The following PRKAR1A variants were observed in gnomAD, a reference collection of about 807,000 sequenced individuals.
The protein encoded by PRKAR1A is protein kinase cAMP-dependent type I regulatory subunit alpha.
Under a neutral mutation model 52.0 loss-of-function variants are expected in PRKAR1A, and 3 were observed. That is an observed-to-expected ratio of 0.06 (90% confidence interval 0.03 to 0.15). PRKAR1A has a LOEUF of 0.15. Among genes scored for constraint, PRKAR1A ranks in the 10% least tolerant of loss-of-function variants. The pLI is 1.00. For synonymous variants in PRKAR1A, 188 were observed against 168.4 expected (o/e 1.12, Z -0.90); for missense variants, 240 against 477.4 (o/e 0.50, Z 4.63).
At chr17:68,469,306 C>G in the PRKAR1A span, among the ~76,000 whole-genome samples, 2 of 152,118 alleles carry the variant, frequency 1.3e-5, no homozygotes, top group African/African-American at 4.8e-5. Flanking sequence ...TTCCCACAAC[C>G]ACATAGCTCA....
At chr17:68,535,930 ACTCT>A (rs979417839), downstream of PRKAR1A, 1 of 453,946 alleles carries the variant, frequency 2.2e-6, no homozygotes, top group Non-Finnish European at 4.4e-6. Context: ...GATTTTGCTT[ACTCT>A]CTCTGAGATT....
chr17:68,432,807 C>T, the PRKAR1A span, among the ~76,000 whole-genome samples: 1 of 152,166 alleles, frequency 6.6e-6, no homozygotes, highest in African/African-American at 2.4e-5. Context: ...AATCCTTGCC[C>T]CCCACCGTGG....
chr17:68,488,276 G>A, the PRKAR1A span, among the ~76,000 whole-genome samples: 10 of 152,260 alleles, frequency 6.6e-5, no homozygotes, highest in African/African-American at 1.9e-4. Flanking sequence ...GGAGAGAAGA[G>A]CTGAGGTCTG....
chr17:68,430,131 C>T, the PRKAR1A span: 2 of 1,613,962 alleles, frequency 1.2e-6, no homozygotes, highest in Non-Finnish European at 1.7e-6. Flanking sequence ...TCCCATGTAG[C>T]CACTCCAGGT....
In PRKAR1A at chr17:68,531,843, A is replaced by C. The variant is rs930642870; in HGVS notation, c.*1394A>C. The C allele has an allele frequency of 5.6e-5, 58 of 1,035,120 alleles. No individual in the cohort carries two copies. Among genetic ancestry groups the C allele is most frequent in the Non-Finnish European group, 6.6e-5 (56 of 851,458 alleles). The allele number at this position is 1,035,120 out of a possible 1,614,324, so 64.1% of individuals were successfully genotyped here. On this transcript the variant is annotated 3_prime_UTR_variant, in exon 11 of 11. Coordinates refer to ENST00000589228, the MANE Select transcript of PRKAR1A (RefSeq NM_002734.5). The stretch of plus-strand genomic sequence containing the variant: ...ATTATTTTTTTAAACAAAATTTCAC[A>C]GTTCTGTAATGTAGGCACTTTTATT...
the PRKAR1A span, among the ~76,000 whole-genome samples, chr17:68,480,416 A>G: frequency 1.3e-5 from 2 of 152,164 alleles, no homozygotes; most frequent in Non-Finnish European, 2.9e-5. Flanking sequence ...ATTTTTAAAC[A>G]TTAATTTATC....
chr17:68,463,657 G>T, the PRKAR1A span, among the ~76,000 whole-genome samples: 1 of 152,186 alleles, frequency 6.6e-6, no homozygotes, highest in Non-Finnish European at 1.5e-5. Context: ...GGCAGGGAAG[G>T]CCCCACTGAA....
chr17:68,420,113 C>A, the PRKAR1A span: 1 of 1,507,982 alleles, frequency 6.6e-7, no homozygotes, highest in Non-Finnish European at 9.0e-7. Flanking sequence ...AATGTAGAAT[C>A]ACTCGCAGCT....
the PRKAR1A span, among the ~76,000 whole-genome samples, chr17:68,472,687 T>G: frequency 3.3e-5 from 5 of 152,192 alleles, no homozygotes; most frequent in Admixed American, 6.5e-5. Context: ...AGCTCATGCC[T>G]GTAATCCCAG....
At chr17:68,454,776 T>C in the PRKAR1A span, among the ~76,000 whole-genome samples, 2 of 152,248 alleles carry the variant, frequency 1.3e-5, no homozygotes, top group African/African-American at 4.8e-5. Flanking sequence ...AGGAAAGAAA[T>C]ACTGTAACTA....
At chr17:68,450,964 G>A in the PRKAR1A span, 1 of 1,548,452 alleles carries the variant, frequency 6.5e-7, no homozygotes, top group Non-Finnish European at 8.7e-7. Context: ...CAGCCTCCAT[G>A]ACACTGGGCC....
chr17:68,499,258 T>C, the PRKAR1A span, among the ~76,000 whole-genome samples: 1 of 152,288 alleles, frequency 6.6e-6, no homozygotes, highest in Non-Finnish European at 1.5e-5. Flanking sequence ...CATCTTTGGG[T>C]GTTCTGCACA....
chr17:68,532,777 A>G lies in PRKAR1A; in HGVS notation c.*2328A>G, dbSNP rs762985778. 5 of 1,066,392 alleles carry G rather than the reference A, an allele frequency of 4.7e-6. No homozygotes were observed. The highest frequency in any genetic ancestry group is 3.3e-5 in the African/African-American group (2 of 61,128). The allele number at this position is 1,066,392 out of a possible 1,614,324, so 66.1% of individuals were successfully genotyped here. A position where few individuals can be genotyped will look rare whatever the true frequency, so the allele number is the denominator to read the frequency against. On this transcript the variant is annotated 3_prime_UTR_variant, in exon 11 of 11. Transcript: ENST00000589228. ...AATAATTTAAATTCTTAAATGAATC[A>G]GTTTTTCTTCCCTTTCTCCTTTCCG...
intron 2 of PRKAR1A, among the ~76,000 whole-genome samples, chr17:68,516,314 CAAG>C (rs1461129234): frequency 6.6e-6 from 1 of 152,076 alleles, no homozygotes; most frequent in African/African-American, 2.4e-5. Context: ...TCATCTCCCT[CAAG>C]AAACGATGAA....
chr17:68,548,337 C>T (rs1600551452), intron 11 of PRKAR1A, among the ~76,000 whole-genome samples: 1 of 152,274 alleles, frequency 6.6e-6, no homozygotes, highest in East Asian at 1.9e-4. Flanking sequence ...CGAGACCAGC[C>T]TGGCCAACAC....
the PRKAR1A span, among the ~76,000 whole-genome samples, chr17:68,467,261 G>A: frequency 6.6e-6 from 1 of 152,116 alleles, no homozygotes; most frequent in African/African-American, 2.4e-5. Flanking sequence ...ATTCTCTTGA[G>A]AACACTCTGA....
At chr17:68,486,499 TTCCTTCC>T in the PRKAR1A span, among the ~76,000 whole-genome samples, 414 of 43,944 alleles carry the variant, frequency 9.4e-3, 2 homozygotes, top group African/African-American at 0.018. Flanking sequence ...CCTTCCTTCC[TTCCTTCC>T]TTCTTTCTTT....
chr17:68,519,971 G>T (rs974719683), intron 2 of PRKAR1A, among the ~76,000 whole-genome samples: 1 of 152,222 alleles, frequency 6.6e-6, no homozygotes, highest in Admixed American at 6.5e-5. Flanking sequence ...GTCAGCTTTT[G>T]CTGGAGCAAC....
intron 11 of PRKAR1A, chr17:68,540,064 TGA>T: frequency 9.7e-7 from 1 of 1,028,458 alleles, no homozygotes. Context: ...TGTCATCACT[TGA>T]GAGACAGGGG....
Sources: allele counts gnomAD v4.1 joint callset (sites outside exome capture counted in the v4.1 genomes callset), GRCh38; gene constraint gnomAD v4.1.1; transcripts MANE v1.5; gene names NCBI Gene and HGNC (gene_info 2026-07-23, HGNC 2026-07-21).